Variants in SLC9B2 observed in about 807,000 individuals in gnomAD.
SLC9B2 encodes sodium/hydrogen exchanger 9B2.
A neutral mutation model predicts 52.2 loss-of-function variants in SLC9B2; 39 were observed. The observed-to-expected ratio is 0.75, with a 90% CI of 0.58 to 0.98. SLC9B2 has a LOEUF of 0.98. Among genes scored for constraint, SLC9B2 ranks in the 50% least tolerant of loss-of-function variants. The pLI is 0.00. For missense variants in SLC9B2, 626 were observed against 637.5 expected, an observed-to-expected ratio of 0.98 and a Z score of 0.19; for synonymous variants, 214 against 227.0, an observed-to-expected ratio of 0.94 and a Z score of 0.51.
rs772710302 is a variant in SLC9B2, at chr4:103,057,819, G to A, written c.424C>T (p.Pro142Ser). Residue 142 changes from proline (P) to serine (S), a missense_variant, in exon 4 of 12, where the codon CCA becomes TCA. Transcript: ENST00000394785. ...LGLIKLPTLP[P>S]LPSLLGMLLA... ...CACTTACCAAGAAGAGAAGGCAGTG[G>A]AGGCAATGTAGGTAACTTAATAAGC... 2.8e-5 allele frequency: 45 copies of A among 1,613,590 alleles called. No individual in the cohort carries two copies. The highest frequency in any genetic ancestry group is 1.3e-4 in the Admixed American group (8 of 59,922).
chr4:103,068,496 G>A (rs1746343163), intron 1 of SLC9B2, among the ~76,000 whole-genome samples: 1 of 152,156 alleles, frequency 6.6e-6, no homozygotes, highest in Non-Finnish European at 1.5e-5. Flanking sequence ...ACAGTGCCTG[G>A]AAGGGCAACA....
In SLC9B2 at chr4:103,076,680, C is replaced by T. The variant is rs1747208319; in HGVS notation, c.-539G>A. Reference sequence around the variant, plus strand: ...GGGCGGGTCCGCAGGCTTCTGGGGCCAGGACCAGCGAGCTCCCGGGAAAGC... The same window carrying T: ...GGGCGGGTCCGCAGGCTTCTGGGGCTAGGACCAGCGAGCTCCCGGGAAAGC... On this transcript the variant is annotated 5_prime_UTR_variant, in exon 1 of 12. Transcript: ENST00000394785. The T allele has an allele frequency of 6.6e-6, 1 of 152,266 alleles. No homozygotes were observed. The highest frequency in any genetic ancestry group is 1.5e-5 in the Non-Finnish European group (1 of 68,060). The allele number at this position is 152,266 out of a possible 1,614,324, so 9.4% of individuals were successfully genotyped here.
At chr4:103,033,713 G>A (rs997024354) in intron 9 of SLC9B2, among the ~76,000 whole-genome samples, 1 of 152,002 alleles carries the variant, frequency 6.6e-6, no homozygotes, top group Non-Finnish European at 1.5e-5. Context: ...ATTCACAATC[G>A]CCAAAAGAAG....
intron 1 of SLC9B2, among the ~76,000 whole-genome samples, chr4:103,074,968 C>G (rs374996321): frequency 6.6e-6 from 1 of 152,292 alleles, no homozygotes; most frequent in African/African-American, 2.4e-5. Flanking sequence ...GCTCTTGTTA[C>G]GTCCCAGTCC....
In SLC9B2 at chr4:103,026,331, C is replaced by T; in HGVS notation, c.*39G>A. ...ATATGCATCTTGAAAAAAGTAGCAGCTTTCTAAACATTATGTTCAGCACTC... is the reference window on the plus strand; with the variant it reads ...ATATGCATCTTGAAAAAAGTAGCAGTTTTCTAAACATTATGTTCAGCACTC... On this transcript the variant is annotated 3_prime_UTR_variant, in exon 12 of 12. Transcript: ENST00000394785. The T allele has an allele frequency of 6.6e-7, 1 of 1,515,238 alleles. No homozygotes were observed. The highest frequency in any genetic ancestry group is 8.9e-7 in the Non-Finnish European group (1 of 1,123,280). 93.9% of individuals were successfully genotyped at this position (1,515,238 alleles called of 1,614,324 possible).
chr4:103,056,157 A>G (rs1273053058), intron 4 of SLC9B2, among the ~76,000 whole-genome samples: 1 of 151,950 alleles, frequency 6.6e-6, no homozygotes, highest in Non-Finnish European at 1.5e-5. Flanking sequence ...TAGTTTTAAG[A>G]CTAATTTGTG....
chr4:103,045,046 A>G (rs1342091575), intron 7 of SLC9B2, 50 bp from the exon 8 acceptor site: 2 of 1,210,026 alleles, frequency 1.7e-6, no homozygotes, highest in Non-Finnish European at 2.4e-6. Context: ...ACAAATACAC[A>G]GGTTTTATTC....
At chr4:103,051,221 G>A (rs1744654902) in intron 4 of SLC9B2, among the ~76,000 whole-genome samples, 1 of 152,182 alleles carries the variant, frequency 6.6e-6, no homozygotes, top group African/African-American at 2.4e-5. Context: ...TGTAACTGAG[G>A]AAGCTGAGTA....
chr4:103,070,882 AAG>A (rs887107954), intron 1 of SLC9B2, among the ~76,000 whole-genome samples: 1 of 152,216 alleles, frequency 6.6e-6, no homozygotes, highest in African/African-American at 2.4e-5. Context: ...ATGACAGTGA[AAG>A]AGATGAAAAA....
chr4:103,060,388 C>T (rs1745517136), intron 3 of SLC9B2, among the ~76,000 whole-genome samples: 2 of 151,854 alleles, frequency 1.3e-5, no homozygotes, highest in African/African-American at 2.4e-5. Flanking sequence ...GGTTCTTCTT[C>T]AAATCTATTC....
At chr4:103,034,582 T>C (rs1181733397) in intron 9 of SLC9B2, among the ~76,000 whole-genome samples, 2 of 152,206 alleles carry the variant, frequency 1.3e-5, no homozygotes, top group African/African-American at 2.4e-5. Flanking sequence ...CCAGAATCTT[T>C]AAGAAACTCA....
intron 9 of SLC9B2, among the ~76,000 whole-genome samples, chr4:103,037,026 A>G (rs904787113): frequency 1.3e-5 from 2 of 152,120 alleles, no homozygotes; most frequent in African/African-American, 4.8e-5. Flanking sequence ...TATGTGGGTA[A>G]TCTGGTTTCC....
At chr4:103,046,382 G>A (rs945852631) in intron 7 of SLC9B2, among the ~76,000 whole-genome samples, 11 of 152,188 alleles carry the variant, frequency 7.2e-5, no homozygotes, top group Non-Finnish European at 1.0e-4. Context: ...AAGATCAAGC[G>A]TACTATCTGT....
chr4:103,027,830 G>A (rs1327471467), intron 11 of SLC9B2, among the ~76,000 whole-genome samples: 1 of 152,076 alleles, frequency 6.6e-6, no homozygotes, highest in Non-Finnish European at 1.5e-5. Context: ...CTGGAGTAAT[G>A]CCCAAATGCA....
rs1742165610 is a variant in SLC9B2, at chr4:103,026,081, T to C, written c.*289A>G. ...TGAAGAGGATACTGAAGCTGGTCTT[T>C]CCCACATTAACTGTAAACTGTGGTA... is the stretch of plus-strand genomic sequence containing the variant. On this transcript the variant is annotated 3_prime_UTR_variant, in exon 12 of 12. Coordinates refer to ENST00000394785, the MANE Select transcript of SLC9B2 (RefSeq NM_178833.7). 4.4e-6 allele frequency: 1 copy of C among 228,230 alleles called. No homozygotes were observed. Among genetic ancestry groups the C allele is most frequent in the South Asian group, 1.5e-4 (1 of 6,460 alleles). 14.1% of individuals were successfully genotyped at this position (228,230 alleles called of 1,614,324 possible). A position where few individuals can be genotyped will look rare whatever the true frequency, so the allele number is the denominator to read the frequency against.
At chr4:103,046,793 T>C (rs982942385) in intron 7 of SLC9B2, among the ~76,000 whole-genome samples, 6 of 151,272 alleles carry the variant, frequency 4.0e-5, no homozygotes, top group African/African-American at 1.5e-4. Context: ...AAGCAGAAAC[T>C]GTTCTTTAAA....
chr4:103,072,526 A>G (rs1227277512), intron 1 of SLC9B2, among the ~76,000 whole-genome samples: 1 of 152,248 alleles, frequency 6.6e-6, no homozygotes, highest in Non-Finnish European at 1.5e-5. Context: ...ATGTTTTCAC[A>G]TAGAGAGATA....
chr4:103,073,256 C>T (rs1746829038), intron 1 of SLC9B2, among the ~76,000 whole-genome samples: 1 of 152,150 alleles, frequency 6.6e-6, no homozygotes, highest in African/African-American at 2.4e-5. Flanking sequence ...TTTGAAAGAG[C>T]ATCACTATGA....
intron 8 of SLC9B2, among the ~76,000 whole-genome samples, 189 bp from the exon 9 acceptor site, chr4:103,043,634 G>A (rs1347660938): frequency 6.6e-6 from 1 of 152,124 alleles, no homozygotes; most frequent in African/African-American, 2.4e-5. Flanking sequence ...CACTGCAATG[G>A]TGAGCTCTTC....
Sources: gnomAD v4.1 joint callset for allele counts (sites outside exome capture counted in the v4.1 genomes callset) on GRCh38, gnomAD v4.1.1 for gene constraint, MANE v1.5 for transcripts, NCBI Gene and HGNC (gene_info 2026-07-23, HGNC 2026-07-21) for gene names.